Variants in G3BP2 observed in about 807,000 individuals in gnomAD.
G3BP2 encodes ras GTPase-activating protein-binding protein 2.
A neutral mutation model predicts 56.7 loss-of-function variants in G3BP2; 11 were observed. That is an observed-to-expected ratio of 0.19 (90% CI 0.12 to 0.32). The LOEUF is 0.32. Ranked by LOEUF, G3BP2 falls within the 10% of genes least tolerant of loss-of-function variation. The pLI is 1.00. For missense variants in G3BP2, 340 were observed against 610.9 expected (o/e 0.56, Z 4.67); for synonymous variants, 165 against 191.6 (o/e 0.86, Z 1.15).
At chr4:75,647,216 G>C in intron 9 of G3BP2, 59 bp from the exon 10 acceptor site, 1 of 1,108,564 alleles carries the variant, frequency 9.0e-7, no homozygotes, top group Non-Finnish European at 1.3e-6. Context: ...CTACTTCAAA[G>C]GAGTGAATGT....
At chr4:75,694,641 G>C (rs1014850205) in intron 3 of G3BP2, among the ~76,000 whole-genome samples, 1 of 152,234 alleles carries the variant, frequency 6.6e-6, no homozygotes, top group African/African-American at 2.4e-5. Context: ...GGGAGGGTGA[G>C]GTGGGAGAAT....
chr4:75,674,695 C>CATATATATATATATAT (rs1316726374), upstream of G3BP2, among the ~76,000 whole-genome samples: 27 of 60,686 alleles, frequency 4.4e-4, no homozygotes, highest in East Asian at 7.9e-4. Flanking sequence ...TATGTATGTA[C>CATATATATATATATAT]ATATATATAT....
At chr4:75,661,211 C>T (rs1255796254) in intron 2 of G3BP2, among the ~76,000 whole-genome samples, 2 of 152,188 alleles carry the variant, frequency 1.3e-5, no homozygotes, top group Non-Finnish European at 2.9e-5. Context: ...TCACTGCAGC[C>T]TCCACCTCCC....
chr4:75,694,599 G>A (rs1310331208), intron 3 of G3BP2, among the ~76,000 whole-genome samples: 5 of 152,136 alleles, frequency 3.3e-5, no homozygotes, highest in Admixed American at 2.0e-4. Flanking sequence ...GCGAGACTCC[G>A]TCTCAAAAAA....
At chr4:75,661,485 T>G (rs1191763448) in intron 2 of G3BP2, 1 of 151,944 alleles carries the variant, frequency 6.6e-6, no homozygotes, top group African/African-American at 2.4e-5. Flanking sequence ...TTTGTTTTTT[T>G]TTTTTTTTAA....
chr4:75,695,039 T>G lies in G3BP2; in HGVS notation c.-25+25838A>C, dbSNP rs888863473. ...GCTCAAGAGCCAGTATCCAGAAGAC[T>G]CAACCACTGTAGATAGGAACTCAGC... On this transcript the variant is annotated intron_variant, in intron 3 of 3. Transcript: ENST00000499709. 5.8e-6 allele frequency: 3 copies of G among 519,200 alleles called. No homozygotes were observed. In the South Asian group the frequency reaches 2.5e-4, roughly 43 times the overall value. 32.2% of individuals were successfully genotyped at this position (519,200 alleles called of 1,614,324 possible).
chr4:75,715,822 G>C (rs1327749938), intron 3 of G3BP2, among the ~76,000 whole-genome samples: 1 of 152,118 alleles, frequency 6.6e-6, no homozygotes, highest in Non-Finnish European at 1.5e-5. Flanking sequence ...GGTTTTAAAT[G>C]GGACAAATTA....
intron 3 of G3BP2, among the ~76,000 whole-genome samples, chr4:75,678,586 A>C (rs1733963806): frequency 6.6e-6 from 1 of 152,230 alleles, no homozygotes; most frequent in Non-Finnish European, 1.5e-5. Context: ...AAGCTGAAGC[A>C]GGAGGATCAC....
Position 75,657,645 on chromosome 4 carries a change from T to C in G3BP2, c.263A>G (p.Asp88Gly), listed in dbSNP as rs766878865. The change falls in exon 4 of 12, where the codon GAT (aspartate) becomes GGT (glycine). Residue 88 changes from aspartate to glycine, a missense_variant. Asp to Gly is a moderately conservative substitution (Grantham distance 94). This residue lies in a region of G3BP2 where 224 missense variants were observed against 332.5 expected (regional missense o/e 0.67). Coordinates refer to ENST00000359707, the MANE Select transcript of G3BP2 (RefSeq NM_203505.3). ...ACCCATGACCTGGACAACTACTCCA[T>C]CACTCAAGGTTGCATGAGCATCCAC... ...RHVDAHATLSDGVVVQVMGLL... is the reference protein window; with the variant it reads ...RHVDAHATLSGGVVVQVMGLL... 2 of 1,612,554 alleles carry C rather than the reference T, an allele frequency of 1.2e-6. No individual in the cohort carries two copies. The highest frequency in any genetic ancestry group is 2.2e-5 in the East Asian group (1 of 44,854).
At chr4:75,663,168 C>A (rs1732704544) in intron 1 of G3BP2, among the ~76,000 whole-genome samples, 1 of 152,192 alleles carries the variant, frequency 6.6e-6, no homozygotes, top group Non-Finnish European at 1.5e-5. Context: ...AACAAGCAAA[C>A]TGGAAACTTA....
At chr4:75,680,927 C>T (rs1734045562) in intron 3 of G3BP2, among the ~76,000 whole-genome samples, 2 of 150,102 alleles carry the variant, frequency 1.3e-5, no homozygotes, top group Admixed American at 6.7e-5. Context: ...GAGATCATGC[C>T]GCTGCATTCC....
chr4:75,683,865 T>C (rs1188072158), intron 3 of G3BP2, among the ~76,000 whole-genome samples: 1 of 151,936 alleles, frequency 6.6e-6, no homozygotes, highest in African/African-American at 2.4e-5. Context: ...GGTGGTGACA[T>C]GAAAAGGGAA....
In G3BP2 at chr4:75,673,303, C is replaced by A; in HGVS notation, c.-120G>T. 2.4e-6 allele frequency: 3 copies of A among 1,229,132 alleles called. No individual in the cohort carries two copies. Among genetic ancestry groups the A allele is most frequent in the Non-Finnish European group, 3.0e-6 (3 of 986,466 alleles). The allele number at this position is 1,229,132 out of a possible 1,614,324, so 76.1% of individuals were successfully genotyped here. Reference sequence around the variant, plus strand: ...GTTCTTATTGCTCGCCGCCCCCTTCCTCCGACAACTCGGAAGCCTCGGAAG... The same window carrying A: ...GTTCTTATTGCTCGCCGCCCCCTTCATCCGACAACTCGGAAGCCTCGGAAG... On this transcript the variant is annotated 5_prime_UTR_variant, in exon 1 of 12. The change creates a new upstream start codon in the 5' untranslated region. Coordinates refer to ENST00000359707, the MANE Select transcript of G3BP2 (RefSeq NM_203505.3).
At chr4:75,706,968 G>A (rs1235506194) in intron 3 of G3BP2, among the ~76,000 whole-genome samples, 2 of 151,906 alleles carry the variant, frequency 1.3e-5, no homozygotes, top group South Asian at 2.1e-4. Flanking sequence ...TGAGGCGGGC[G>A]GATCACCTGA....
At chr4:75,709,695 G>T (rs192103965) in intron 3 of G3BP2, among the ~76,000 whole-genome samples, 6 of 152,150 alleles carry the variant, frequency 3.9e-5, no homozygotes, top group Non-Finnish European at 7.4e-5. Context: ...TGTGTGGTGG[G>T]GCGGGTTTCA....
chr4:75,651,766 A>G (rs917177111), intron 8 of G3BP2, among the ~76,000 whole-genome samples: 3 of 152,240 alleles, frequency 2.0e-5, no homozygotes, highest in Non-Finnish European at 4.4e-5. Flanking sequence ...CAGAATATGA[A>G]GTAAGTACAG....
At chr4:75,652,627 CTG>C (rs1731786176) in intron 8 of G3BP2, among the ~76,000 whole-genome samples, 1 of 152,078 alleles carries the variant, frequency 6.6e-6, no homozygotes, top group South Asian at 2.1e-4. Flanking sequence ...GAGCGAGACT[CTG>C]TCTCAAAAAA....
chr4:75,668,191 T>C (rs961652658), intron 1 of G3BP2, among the ~76,000 whole-genome samples: 2 of 152,204 alleles, frequency 1.3e-5, no homozygotes, highest in Non-Finnish European at 2.9e-5. Flanking sequence ...TAGACATACA[T>C]GCAGATTAGA....
intron 3 of G3BP2, among the ~76,000 whole-genome samples, chr4:75,709,587 G>A (rs1385059277): frequency 3.3e-5 from 5 of 152,056 alleles, no homozygotes; most frequent in Non-Finnish European, 5.9e-5. Context: ...ACTCCAGCCT[G>A]GGCAACAGAG....
Sources: allele counts gnomAD v4.1 joint callset (sites outside exome capture counted in the v4.1 genomes callset), GRCh38; gene constraint gnomAD v4.1.1; regional missense constraint gnomAD v4.1.1; transcripts MANE v1.5; gene names NCBI Gene and HGNC (gene_info 2026-07-23, HGNC 2026-07-21).